The following PDE8B variants were observed in gnomAD, a reference collection of about 807,000 sequenced individuals.
PDE8B encodes phosphodiesterase 8B, also known as high affinity cAMP-specific and IBMX-insensitive 3',5'-cyclic phosphodiesterase 8B.
PDE8B carries 26 observed loss-of-function variants against 101.3 expected under a neutral mutation model. The observed-to-expected ratio is 0.26, with a 90% confidence interval of 0.19 to 0.36. The LOEUF (loss-of-function observed/expected upper bound fraction) is 0.36. Ranked by LOEUF, PDE8B falls within the 10% of genes least tolerant of loss-of-function variation. The pLI is 1.00. For missense variants in PDE8B, 810 were observed against 1,163.1 expected (o/e 0.70, Z 4.42); for synonymous variants, 424 against 429.3 (o/e 0.99, Z 0.15).
the PDE8B span, chr5:77,104,826 C>A: frequency 6.6e-6 from 1 of 151,986 alleles, no homozygotes; most frequent in Non-Finnish European, 1.5e-5. Flanking sequence ...ATTTTATGTA[C>A]AATAAAATGC....
chr5:77,311,847 A>C, intron 1 of PDE8B, 147 bp from the exon 2 acceptor site: 1 of 779,508 alleles, frequency 1.3e-6, no homozygotes, highest in South Asian at 1.4e-5. Context: ...CATATACATC[A>C]TGCTTGGTAA....
At chr5:77,398,906 T>C (rs752911861) in intron 10 of PDE8B, among the ~76,000 whole-genome samples, 1 of 152,168 alleles carries the variant, frequency 6.6e-6, no homozygotes, top group Non-Finnish European at 1.5e-5. Context: ...CACGTCAGAG[T>C]GGGCAGGCCT....
At chr5:77,413,678 G>A (rs1272158815) in intron 17 of PDE8B, among the ~76,000 whole-genome samples, 1 of 151,972 alleles carries the variant, frequency 6.6e-6, no homozygotes, top group African/African-American at 2.4e-5. Context: ...TCAGGATTTG[G>A]CCATTGGTAG....
chr5:77,240,802 G>A (rs779368172), intron 1 of PDE8B, among the ~76,000 whole-genome samples: 5 of 152,204 alleles, frequency 3.3e-5, no homozygotes, highest in Non-Finnish European at 7.3e-5. Context: ...GAAGCTTTCT[G>A]ATTTGCATTT....
At chr5:77,378,493 A>G (rs1261419714) in intron 10 of PDE8B, among the ~76,000 whole-genome samples, 1 of 148,550 alleles carries the variant, frequency 6.7e-6, no homozygotes, top group Non-Finnish European at 1.5e-5. Context: ...AAGGGCATGT[A>G]CCAAAGATCT....
chr5:77,137,081 C>T, the PDE8B span, among the ~76,000 whole-genome samples: 61 of 152,272 alleles, frequency 4.0e-4, no homozygotes, highest in Admixed American at 2.6e-3. Context: ...TTCTCTATTC[C>T]GCTAAGGCCA....
chr5:77,387,181 A>G (rs1788880949), intron 10 of PDE8B, among the ~76,000 whole-genome samples: 3 of 151,990 alleles, frequency 2.0e-5, no homozygotes, highest in South Asian at 2.1e-4. Context: ...ACAATTTGGT[A>G]TGTTTTTGCA....
chr5:77,271,535 A>G (rs542787950), intron 1 of PDE8B, among the ~76,000 whole-genome samples: 1 of 152,244 alleles, frequency 6.6e-6, no homozygotes, highest in South Asian at 2.1e-4. Context: ...GTCACTGGGG[A>G]AGTTTATTTA....
intron 11 of PDE8B, among the ~76,000 whole-genome samples, chr5:77,403,943 C>G (rs568737505): frequency 1.3e-5 from 2 of 151,978 alleles, no homozygotes; most frequent in South Asian, 4.2e-4. Context: ...CTCAGCCTCC[C>G]AAGTAGCTGG....
intron 1 of PDE8B, among the ~76,000 whole-genome samples, chr5:77,273,625 G>A (rs562961554): frequency 1.9e-4 from 29 of 152,264 alleles, no homozygotes; most frequent in Non-Finnish European, 1.8e-4. Flanking sequence ...AGGAGTACAG[G>A]ATAAAAGCTT....
the PDE8B span, among the ~76,000 whole-genome samples, chr5:77,127,214 A>C: frequency 2.6e-5 from 4 of 151,980 alleles, no homozygotes; most frequent in African/African-American, 7.3e-5. Context: ...TGTAATCCCC[A>C]TGTGCTGAGG....
intron 1 of PDE8B, among the ~76,000 whole-genome samples, chr5:77,303,569 A>AAAATAAATAAAT (rs57327578): frequency 1.3e-4 from 19 of 148,648 alleles, no homozygotes; most frequent in African/African-American, 4.0e-4. Context: ...ACTCCATCTC[A>AAAATAAATAAAT]AAATAAATAA....
chr5:77,113,275 T>C, the PDE8B span: 6 of 152,174 alleles, frequency 3.9e-5, no homozygotes, highest in African/African-American at 1.4e-4. Context: ...ACTACAAGGC[T>C]ACAGTAACCA....
chr5:77,267,635 T>C (rs1478140856), intron 1 of PDE8B, among the ~76,000 whole-genome samples: 2 of 152,174 alleles, frequency 1.3e-5, no homozygotes, highest in Admixed American at 6.5e-5. Context: ...GGCTTGAAGC[T>C]GCTGCCCTCT....
At chr5:77,246,231 G>A (rs1260505042) in intron 1 of PDE8B, among the ~76,000 whole-genome samples, 2 of 152,070 alleles carry the variant, frequency 1.3e-5, no homozygotes, top group Non-Finnish European at 2.9e-5. Flanking sequence ...TGGATTTATT[G>A]CATTCATGCT....
rs567244221 is a variant in PDE8B, at chr5:77,329,122, A to G, written c.650+65A>G. 1.2e-5 allele frequency: 16 copies of G among 1,370,428 alleles called. No individual in the cohort carries two copies. In the East Asian group the frequency reaches 3.4e-4, roughly 29 times the overall value. The allele number at this position is 1,370,428 out of a possible 1,614,324, so 84.9% of individuals were successfully genotyped here. A position where few individuals can be genotyped will look rare whatever the true frequency, so the allele number is the denominator to read the frequency against. On this transcript the variant is annotated intron_variant, in intron 4 of 21. Transcript: ENST00000264917. ...TCATTCTGAAATATTTGTCAGATGT[A>G]ATCTGGTTTTTGAGCTATCTAAGCA...
chr5:77,088,725 CTCA>C, the PDE8B span: 2 of 152,578 alleles, frequency 1.3e-5, no homozygotes, highest in Admixed American at 6.6e-5. Flanking sequence ...TGTTCATCTG[CTCA>C]TCTTTTGCTG....
intron 1 of PDE8B, among the ~76,000 whole-genome samples, chr5:77,306,133 C>T (rs879125068): frequency 2.6e-5 from 4 of 152,172 alleles, no homozygotes; most frequent in Non-Finnish European, 5.9e-5. Flanking sequence ...CAGGGATCGC[C>T]AGGCACTGCA....
Position 77,351,167 on chromosome 5 carries a change from G to T in PDE8B, c.1106+14G>T. 1 of 1,586,888 alleles carries T rather than the reference G, an allele frequency of 6.3e-7. No individual in the cohort carries two copies. Among genetic ancestry groups the T allele is most frequent in the Non-Finnish European group, 8.7e-7 (1 of 1,155,268 alleles). ...TGGCCAAGGAGGGTGAGAGCAAACT[G>T]TTCAACTCTTTTAGCTGAAGATAAA... On this transcript the variant is annotated intron_variant, in intron 9 of 21. Transcript: ENST00000264917.
Sources: allele counts gnomAD v4.1 joint callset (sites outside exome capture counted in the v4.1 genomes callset), GRCh38; gene constraint gnomAD v4.1.1; transcripts MANE v1.5; gene names NCBI Gene and HGNC (gene_info 2026-07-23, HGNC 2026-07-21).